Variants in AOAH observed in about 807,000 individuals in gnomAD.
AOAH encodes the protein acyloxyacyl hydrolase.
In AOAH, 64 loss-of-function variants were observed where a neutral mutation model predicts 92.2. The observed-to-expected ratio is 0.69, with a 90% CI of 0.57 to 0.86. AOAH has a LOEUF of 0.86. AOAH is among the 40% of genes least tolerant of loss of function. The pLI is 0.00. For synonymous variants in AOAH, 263 were observed against 254.5 expected (o/e 1.03, Z -0.32); for missense variants, 656 against 694.6 (o/e 0.94, Z 0.62).
intron 19 of AOAH, among the ~76,000 whole-genome samples, chr7:36,528,589 A>G (rs1784521107): frequency 6.6e-6 from 1 of 152,100 alleles, no homozygotes; most frequent in African/African-American, 2.4e-5. Flanking sequence ...AGCTCCATTT[A>G]TTAAACTTTA....
Position 36,707,772 on chromosome 7 carries a change from G to T in AOAH, c.127+16250C>A, listed in dbSNP as rs930161418. Among the ~76,000 whole-genome samples, 11 of 152,206 alleles carry T rather than the reference G, an allele frequency of 7.2e-5. No homozygotes were observed. The South Asian group carries it at 2.3e-3, about 32-fold the overall frequency. On this transcript the variant is annotated intron_variant, in intron 1 of 20. Transcript: ENST00000617537. ...TTTGAGTTTGACTATAAGGTATCAA[G>T]ATTTACTTCTCTTTGTTTATTTGGA...
chr7:36,678,913 A>G (rs924202913), intron 2 of AOAH, among the ~76,000 whole-genome samples: 2 of 152,214 alleles, frequency 1.3e-5, no homozygotes, highest in African/African-American at 4.8e-5. Context: ...TGGCATTTAC[A>G]TATTGACAGT....
intron 12 of AOAH, among the ~76,000 whole-genome samples, chr7:36,578,900 T>C (rs1297783512): frequency 6.6e-6 from 1 of 152,070 alleles, no homozygotes; most frequent in African/African-American, 2.4e-5. Context: ...CTGCAGGGTG[T>C]AAAGGAAGCA....
At chr7:36,615,158 C>T (rs1201580441) in intron 11 of AOAH, among the ~76,000 whole-genome samples, 2 of 152,168 alleles carry the variant, frequency 1.3e-5, no homozygotes, top group Non-Finnish European at 1.5e-5. Context: ...CAAGCTACTA[C>T]ATAAGAATTG....
chr7:36,619,508 C>G (rs1227113754), intron 9 of AOAH, among the ~76,000 whole-genome samples: 1 of 152,166 alleles, frequency 6.6e-6, no homozygotes, highest in Non-Finnish European at 1.5e-5. Flanking sequence ...CCTTTGTCCT[C>G]CAACATGACA....
chr7:36,712,700 T>A (rs1798848773), intron 1 of AOAH, among the ~76,000 whole-genome samples: 1 of 152,144 alleles, frequency 6.6e-6, no homozygotes, highest in South Asian at 2.1e-4. Context: ...GAAAAGAATT[T>A]TCAGCCCAGA....
At chr7:36,518,505 G>T (rs772903390) in intron 20 of AOAH, among the ~76,000 whole-genome samples, 1 of 152,194 alleles carries the variant, frequency 6.6e-6, no homozygotes, top group African/African-American at 2.4e-5. Flanking sequence ...CAGTACGGGA[G>T]GATGGAGACA....
intron 11 of AOAH, among the ~76,000 whole-genome samples, chr7:36,595,283 C>T (rs1225717466): frequency 6.6e-6 from 1 of 152,192 alleles, no homozygotes; most frequent in Non-Finnish European, 1.5e-5. Context: ...CCAGTAATCC[C>T]AGCACTTTGG....
At chr7:36,604,056 G>C (rs964044005) in intron 11 of AOAH, among the ~76,000 whole-genome samples, 1 of 152,174 alleles carries the variant, frequency 6.6e-6, no homozygotes, top group Non-Finnish European at 1.5e-5. Context: ...CCTCTGCTTC[G>C]TAAATGGTGC....
chr7:36,664,887 A>G (rs1795447147), intron 3 of AOAH, among the ~76,000 whole-genome samples: 1 of 152,222 alleles, frequency 6.6e-6, no homozygotes, highest in Non-Finnish European at 1.5e-5. Flanking sequence ...TGAAGAATGA[A>G]GAGAGCAGGA....
At chr7:36,685,373 G>T (rs1285139672) in intron 2 of AOAH, among the ~76,000 whole-genome samples, 1 of 152,152 alleles carries the variant, frequency 6.6e-6, no homozygotes, top group African/African-American at 2.4e-5. Flanking sequence ...GCTTTTTGCA[G>T]GGGGAGGATG....
intron 12 of AOAH, among the ~76,000 whole-genome samples, chr7:36,583,724 G>A (rs1359457084): frequency 6.6e-6 from 1 of 152,182 alleles, no homozygotes; most frequent in African/African-American, 2.4e-5. Context: ...AATAATTCAT[G>A]AGCTGCTGGG....
intron 9 of AOAH, among the ~76,000 whole-genome samples, chr7:36,620,039 A>G (rs1792168053): frequency 1.3e-5 from 2 of 152,184 alleles, no homozygotes; most frequent in African/African-American, 2.4e-5. Context: ...TTTCCATGTA[A>G]ACAGTTCTGG....
chr7:36,590,753 C>T (rs1018758921), intron 12 of AOAH, among the ~76,000 whole-genome samples: 1 of 152,218 alleles, frequency 6.6e-6, no homozygotes, highest in Admixed American at 6.5e-5. Flanking sequence ...ATTCAAAGGG[C>T]ATGTGCCCAA....
At chr7:36,646,688 T>C (rs1794240905) in intron 4 of AOAH, among the ~76,000 whole-genome samples, 1 of 152,248 alleles carries the variant, frequency 6.6e-6, no homozygotes, top group African/African-American at 2.4e-5. Context: ...GGTTGGTTCC[T>C]TTTGTAGGTT....
At chr7:36,641,987 A>G (rs1045568936) in intron 4 of AOAH, among the ~76,000 whole-genome samples, 6 of 152,170 alleles carry the variant, frequency 3.9e-5, no homozygotes, top group African/African-American at 1.2e-4. Flanking sequence ...AATCAAAGCC[A>G]GCCCAAAGTC....
At chr7:36,552,812 A>C (rs899512089) in intron 13 of AOAH, among the ~76,000 whole-genome samples, 15 of 152,170 alleles carry the variant, frequency 9.9e-5, no homozygotes, top group Non-Finnish European at 2.9e-5. Context: ...CTTGTAAGTG[A>C]GAACATATGG....
chr7:36,604,515 C>T (rs1180707997), intron 11 of AOAH, among the ~76,000 whole-genome samples: 1 of 152,170 alleles, frequency 6.6e-6, no homozygotes, highest in Non-Finnish European at 1.5e-5. Flanking sequence ...GTCTCTGTTG[C>T]AGCCTGGTAT....
chr7:36,604,742 C>T (rs1207982835), intron 11 of AOAH, among the ~76,000 whole-genome samples: 1 of 152,160 alleles, frequency 6.6e-6, no homozygotes, highest in Non-Finnish European at 1.5e-5. Context: ...GGACTGCTTC[C>T]CTCTGGATTA....
Sources: gnomAD v4.1 joint callset for allele counts (sites outside exome capture counted in the v4.1 genomes callset) on GRCh38, gnomAD v4.1.1 for gene constraint, MANE v1.5 for transcripts, NCBI Gene and HGNC (gene_info 2026-07-23, HGNC 2026-07-21) for gene names.